ZNF560: variants seen among roughly 807,000 people sequenced by gnomAD.
The protein encoded by ZNF560 is zinc finger protein 560.
Under a neutral mutation model 81.8 loss-of-function variants are expected in ZNF560, and 54 were observed. The ratio of observed to expected loss-of-function variants is 0.66; its 90% confidence interval spans 0.53 to 0.83. The LOEUF is 0.83. Ranked by LOEUF, ZNF560 falls within the 40% of genes least tolerant of loss-of-function variation. ZNF560 has a pLI of 0.00. For synonymous variants in ZNF560, 321 were observed against 317.9 expected (o/e 1.01, Z -0.10); for missense variants, 940 against 932.4 (o/e 1.01, Z -0.11).
In ZNF560 at chr19:9,467,053, C is replaced by G; in HGVS notation, c.1894G>C (p.Asp632His). 1 of 1,613,672 alleles carries G rather than the reference C, an allele frequency of 6.2e-7. No individual in the cohort carries two copies. The highest frequency in any genetic ancestry group is 8.5e-7 in the Non-Finnish European group (1 of 1,179,894). Residue 632 changes from aspartate to histidine, a missense_variant, in exon 10 of 10, where the codon GAC becomes CAC. Physicochemically the swap from Asp to His is moderately conservative, Grantham distance 81 (BLOSUM62 -1). Transcript: ENST00000301480. ...HTGDKPYEYK[D>H]CGKAFVVSSS... Reference sequence around the variant, plus strand: ...GAGACAACAAAGGCTTTCCCACAGTCCTTATATTCATAGGGCTTATCTCCA... The same window carrying G: ...GAGACAACAAAGGCTTTCCCACAGTGCTTATATTCATAGGGCTTATCTCCA...
chr19:9,482,395 C>A (rs985005518), intron 2 of ZNF560, among the ~76,000 whole-genome samples: 1 of 143,984 alleles, frequency 6.9e-6, no homozygotes, highest in Non-Finnish European at 1.5e-5. Flanking sequence ...GCACATTGTA[C>A]GCATGTACCT....
rs2073184920 is a variant in ZNF560, at chr19:9,475,397, C to G, written c.-56-28G>C. On this transcript the variant is annotated intron_variant, in intron 2 of 9. Coordinates refer to ENST00000301480, the MANE Select transcript of ZNF560 (RefSeq NM_152476.3). ...GGAAAAGAAAGAAGGCATAAGAGCC[C>G]AGACATAATCACAGTTCCAACATTC... 1.9e-5 allele frequency: 26 copies of G among 1,339,220 alleles called. No individual in the cohort carries two copies. The East Asian group carries it at 5.6e-4, about 29-fold the overall frequency. 83.0% of individuals were successfully genotyped at this position (1,339,220 alleles called of 1,614,324 possible).
At chr19:9,456,824 C>A in the ZNF560 span, among the ~76,000 whole-genome samples, 2 of 152,200 alleles carry the variant, frequency 1.3e-5, no homozygotes, top group African/African-American at 2.4e-5. Context: ...TTTATTACAA[C>A]AATGGGGAGC....
downstream of ZNF560, among the ~76,000 whole-genome samples, chr19:9,464,351 G>A (rs2144678896): frequency 6.6e-6 from 1 of 152,276 alleles, no homozygotes. Context: ...GCCAAACAGT[G>A]GCATCAAAGA....
At position 9,482,522 on chromosome 19, in the gene ZNF560, C is replaced by G. The variant is rs187463539; in HGVS notation, c.-56-7153G>C. ...GGCATGGTAGCACAAACCTGTAGTC[C>G]TAGCTACTCAGGAGGATCACTTGAG... is the stretch of plus-strand genomic sequence containing the variant. On this transcript the variant is annotated intron_variant, in intron 2 of 9. Coordinates refer to ENST00000301480, the MANE Select transcript of ZNF560 (RefSeq NM_152476.3). 3.7e-3 allele frequency among the ~76,000 whole-genome samples: 568 copies of G among 152,044 alleles called. 6 individuals are homozygous for G. The highest frequency in any genetic ancestry group is 0.013 in the African/African-American group (537 of 41,450).
intron 2 of ZNF560, among the ~76,000 whole-genome samples, chr19:9,488,373 C>T (rs1479638377): frequency 6.6e-6 from 1 of 152,084 alleles, no homozygotes. Flanking sequence ...AAGAGACTAA[C>T]ACAACCTAAG....
chr19:9,471,041 G>A (rs2073113265), intron 6 of ZNF560, among the ~76,000 whole-genome samples: 1 of 152,118 alleles, frequency 6.6e-6, no homozygotes, highest in African/African-American at 2.4e-5. Flanking sequence ...TTGCTTTAAG[G>A]AAGAATACAG....
intron 2 of ZNF560, among the ~76,000 whole-genome samples, chr19:9,486,800 C>T (rs1323125087): frequency 6.6e-6 from 1 of 152,032 alleles, no homozygotes; most frequent in Non-Finnish European, 1.5e-5. Flanking sequence ...AGACTAACTT[C>T]CTTCAAGCCT....
At chr19:9,479,034 C>T (rs1396302449) in intron 2 of ZNF560, among the ~76,000 whole-genome samples, 4 of 151,864 alleles carry the variant, frequency 2.6e-5, no homozygotes, top group African/African-American at 4.8e-5. Flanking sequence ...GGCATGGTGA[C>T]GGGCACCTGT....
Position 9,468,263 on chromosome 19 carries a change from G to A in ZNF560, c.684C>T (p.Cys228=), listed in dbSNP as rs764164321. The change falls in exon 10 of 10, where the codon TGC becomes TGT. Residue 228 remains cysteine (C), a synonymous_variant. Coordinates refer to ENST00000301480, the MANE Select transcript of ZNF560 (RefSeq NM_152476.3). The stretch of plus-strand genomic sequence containing the variant: ...TTTGAGTACTCATGTTGGTCTTAAG[G>A]CATGGATGTTTACAGAAGACATCTT... ...QCEDVFCKHP[C]LKTNMSTQNR... 1.9e-6 allele frequency: 3 copies of A among 1,613,750 alleles called. No individual in the cohort carries two copies. Among genetic ancestry groups the A allele is most frequent in the Admixed American group, 1.7e-5 (1 of 59,942 alleles).
chr19:9,467,036 A>C lies in ZNF560; in HGVS notation c.1911T>G (p.Phe637Leu), dbSNP rs532211616. The change falls in exon 10 of 10, where the codon TTT (phenylalanine) becomes TTG (leucine). Residue 637 changes from phenylalanine (F) to leucine (L), a missense_variant. Phe to Leu is a conservative substitution (Grantham distance 22). Coordinates refer to ENST00000301480, the MANE Select transcript of ZNF560 (RefSeq NM_152476.3). ...PYEYKDCGKA[F>L]VVSSSLVDHL... ...GATCAACTAGACTGGAGGAGACAAC[A>C]AAGGCTTTCCCACAGTCCTTATATT... 1.3e-4 allele frequency: 212 copies of C among 1,612,392 alleles called. No homozygotes were observed. Among genetic ancestry groups the C allele is most frequent in the Non-Finnish European group, 1.8e-4 (207 of 1,179,606 alleles).
intron 5 of ZNF560, 33 bp from the exon 6 acceptor site, chr19:9,471,411 TTTTTTAAAA>T: frequency 1.4e-6 from 2 of 1,443,760 alleles, no homozygotes; most frequent in South Asian, 1.4e-5. Context: ...GGTTTTTTTT[TTTTTTAAAA>T]AAAAAGGTAA....
intron 2 of ZNF560, among the ~76,000 whole-genome samples, chr19:9,486,767 AAAG>A: frequency 6.6e-6 from 1 of 152,126 alleles, no homozygotes. Flanking sequence ...AAGAAAAAAA[AAAG>A]AAATAATAGT....
the ZNF560 span, among the ~76,000 whole-genome samples, chr19:9,449,996 A>AAAAAAAAAAC: frequency 1.8e-4 from 21 of 115,908 alleles, no homozygotes; most frequent in East Asian, 5.1e-4. Flanking sequence ...AAAAAAAAAA[A>AAAAAAAAAAC]AACAACTGAA....
At chr19:9,477,547 G>A (rs2073221783) in intron 2 of ZNF560, among the ~76,000 whole-genome samples, 1 of 152,182 alleles carries the variant, frequency 6.6e-6, no homozygotes, top group African/African-American at 2.4e-5. Context: ...CTTCAACAGG[G>A]TTCCAAGTAG....
chr19:9,457,062 C>G, the ZNF560 span, among the ~76,000 whole-genome samples: 1 of 152,184 alleles, frequency 6.6e-6, no homozygotes, highest in African/African-American at 2.4e-5. Flanking sequence ...ATGGATAGAA[C>G]AGTGGCCGCT....
the ZNF560 span, among the ~76,000 whole-genome samples, chr19:9,458,854 C>T: frequency 6.6e-6 from 1 of 152,182 alleles, no homozygotes; most frequent in African/African-American, 2.4e-5. Context: ...GGATTGGAAC[C>T]TAATTCTCTT....
chr19:9,472,522 A>G (rs1245921351), intron 5 of ZNF560, among the ~76,000 whole-genome samples: 3 of 152,192 alleles, frequency 2.0e-5, no homozygotes, highest in African/African-American at 7.2e-5. Context: ...TGAACTGTGC[A>G]TGCGAAGGAT....
At chr19:9,460,472 G>A in the ZNF560 span, among the ~76,000 whole-genome samples, 1 of 152,114 alleles carries the variant, frequency 6.6e-6, no homozygotes, top group African/African-American at 2.4e-5. Flanking sequence ...AACTTGGCTG[G>A]ACCCCCCAGT....
Sources: gnomAD v4.1 joint callset for allele counts (sites outside exome capture counted in the v4.1 genomes callset) on GRCh38, gnomAD v4.1.1 for gene constraint, MANE v1.5 for transcripts, NCBI Gene and HGNC (gene_info 2026-07-23, HGNC 2026-07-21) for gene names.